ADD2: variants seen among roughly 807,000 people sequenced by gnomAD.
The protein encoded by ADD2 is beta-adducin.
ADD2 carries 23 observed loss-of-function variants against 83.0 expected under a neutral mutation model. The ratio of observed to expected loss-of-function variants is 0.28; its 90% confidence interval spans 0.20 to 0.39. The LOEUF (loss-of-function observed/expected upper bound fraction) is 0.39. Ranked by LOEUF, ADD2 falls within the 10% of genes least tolerant of loss-of-function variation. The pLI, the probability that ADD2 is intolerant of heterozygous loss-of-function variation, is 1.00. For missense variants in ADD2, 758 were observed against 944.9 expected (o/e 0.80, Z 2.59); for synonymous variants, 375 against 375.4 (o/e 1.00, Z 0.01).
intron 1 of ADD2, among the ~76,000 whole-genome samples, chr2:70,745,667 T>C (rs565938703): frequency 6.6e-6 from 1 of 152,192 alleles, no homozygotes; most frequent in Non-Finnish European, 1.5e-5. Flanking sequence ...CTAGGAACAG[T>C]AGATTGCTTG....
chr2:70,706,100 C>T lies in ADD2; in HGVS notation c.183+126G>A, dbSNP rs1671871224. ...CCCAGGTGACCAGATCCGTCTTGCT[C>T]AGTGGGCTTACATTTCTACTGACCC... On this transcript the variant is annotated intron_variant, in intron 3 of 15. Coordinates refer to ENST00000264436, the MANE Select transcript of ADD2 (RefSeq NM_001617.4). This position sits in a 1 kb window ranked among gnomAD's most constrained non-coding sequence, Gnocchi z 5.0. 1.0e-6 allele frequency: 1 copy of T among 996,280 alleles called. No homozygotes were observed. The highest frequency in any genetic ancestry group is 1.5e-6 in the Non-Finnish European group (1 of 681,182). The allele number at this position is 996,280 out of a possible 1,614,324, so 61.7% of individuals were successfully genotyped here.
intron 1 of ADD2, chr2:70,767,534 G>C: frequency 1.4e-6 from 1 of 710,218 alleles, no homozygotes; most frequent in Non-Finnish European, 1.8e-6. Context: ...GGGAGGGGAG[G>C]AGCGGCCCCG....
chr2:70,667,134 T>C (rs1332081943), intron 15 of ADD2, among the ~76,000 whole-genome samples: 4 of 152,126 alleles, frequency 2.6e-5, no homozygotes, highest in Non-Finnish European at 5.9e-5. Flanking sequence ...CCTTCTAGCC[T>C]CTTCTAAGAA....
At position 70,706,167 on chromosome 2, in the gene ADD2, C is replaced by A. The variant is rs1399588925; in HGVS notation, c.183+59G>T. The A allele has an allele frequency of 3.8e-6, 6 of 1,570,262 alleles. No individual in the cohort carries two copies. The South Asian group carries it at 7.0e-5, about 18-fold the overall frequency. ...GAGTTACTCATCTTTCGGGTGGGTA[C>A]ACGTCCTGAAGAGCCAGCGCCCCCT... On this transcript the variant is annotated intron_variant, in intron 3 of 15. Coordinates refer to ENST00000264436, the MANE Select transcript of ADD2 (RefSeq NM_001617.4). The surrounding 1 kb of genome is among the most constrained non-coding windows in gnomAD (Gnocchi z 5.0).
Position 70,768,050 on chromosome 2 carries a change from TC to T in ADD2, c.-319del, listed in dbSNP as rs1336747187. 2 of 1,405,896 alleles carry T rather than the reference TC, an allele frequency of 1.4e-6. No individual in the cohort carries two copies. Among genetic ancestry groups the T allele is most frequent in the Non-Finnish European group, 1.9e-6 (2 of 1,049,862 alleles). 87.1% of individuals were successfully genotyped at this position (1,405,896 alleles called of 1,614,324 possible). On this transcript the variant is annotated 5_prime_UTR_variant, in exon 1 of 16. Transcript: ENST00000264436. ...CGCGCTCGTCAGAGCTGCTGGGAGA[TC>T]CCCCAGCAGTGCAGCGGCTCCGCGG...
At chr2:70,765,507 T>C (rs1464748891) in intron 1 of ADD2, among the ~76,000 whole-genome samples, 3 of 152,276 alleles carry the variant, frequency 2.0e-5, no homozygotes, top group African/African-American at 7.2e-5. Flanking sequence ...TGTCCATTTC[T>C]TGCATTTGTC....
Position 70,713,082 on chromosome 2 carries a change from C to A in ADD2, c.-51G>T. ...CTTACTTACCGGGAGGCTGGCCCAG[C>A]CCTGTCCAAGGCTCCTTCTGTTCAC... is the stretch of plus-strand genomic sequence containing the variant. On this transcript the variant is annotated 5_prime_UTR_variant, in exon 2 of 16. Coordinates refer to ENST00000264436, the MANE Select transcript of ADD2 (RefSeq NM_001617.4). The A allele has an allele frequency of 1.0e-6, 1 of 985,576 alleles. No individual in the cohort carries two copies. The highest frequency in any genetic ancestry group is 1.2e-6 in the Non-Finnish European group (1 of 830,076). The allele number at this position is 985,576 out of a possible 1,614,324, so 61.1% of individuals were successfully genotyped here.
At chr2:70,692,922 A>G (rs1671122780) in intron 6 of ADD2, among the ~76,000 whole-genome samples, 1 of 152,146 alleles carries the variant, frequency 6.6e-6, no homozygotes, top group African/African-American at 2.4e-5. Context: ...GGGGTAGCAA[A>G]GTGCTAGAAA....
chr2:70,729,394 C>T (rs532691525), intron 1 of ADD2, among the ~76,000 whole-genome samples: 3 of 152,244 alleles, frequency 2.0e-5, no homozygotes, highest in South Asian at 2.1e-4. Context: ...TCATTACCTG[C>T]GTAAATTTTC....
intron 1 of ADD2, among the ~76,000 whole-genome samples, chr2:70,751,032 C>T (rs894800809): frequency 7.2e-5 from 11 of 152,178 alleles, no homozygotes; most frequent in South Asian, 2.1e-4. Context: ...AAATGGGAGA[C>T]GCTGACATTT....
At chr2:70,698,477 G>A (rs1671420809) in intron 4 of ADD2, among the ~76,000 whole-genome samples, 1 of 152,214 alleles carries the variant, frequency 6.6e-6, no homozygotes, top group Admixed American at 6.5e-5. Flanking sequence ...AACACAGACA[G>A]ACCGAATAAG....
intron 1 of ADD2, among the ~76,000 whole-genome samples, chr2:70,745,113 C>A (rs1674111968): frequency 6.6e-6 from 1 of 151,800 alleles, no homozygotes; most frequent in Non-Finnish European, 1.5e-5. Context: ...GGTGAAACCC[C>A]GTCTCTACTA....
intron 1 of ADD2, among the ~76,000 whole-genome samples, chr2:70,765,882 G>T (rs1249443581): frequency 1.3e-5 from 2 of 152,012 alleles, no homozygotes; most frequent in African/African-American, 2.4e-5. Context: ...ATGAATCCCT[G>T]TAAACTATCT....
intron 1 of ADD2, among the ~76,000 whole-genome samples, chr2:70,741,823 C>A (rs1337559278): frequency 4.6e-5 from 7 of 152,154 alleles, no homozygotes; most frequent in African/African-American, 1.7e-4. Context: ...CATATGGTGT[C>A]TTGGTACTGC....
At chr2:70,715,490 T>G (rs894322174) in intron 1 of ADD2, among the ~76,000 whole-genome samples, 32 of 152,112 alleles carry the variant, frequency 2.1e-4, no homozygotes, top group African/African-American at 7.7e-4. Context: ...AACAGATGCC[T>G]GACACCCCCT....
chr2:70,730,924 A>G (rs1256318436), intron 1 of ADD2, among the ~76,000 whole-genome samples: 1 of 152,142 alleles, frequency 6.6e-6, no homozygotes, highest in East Asian at 1.9e-4. Flanking sequence ...GTGTAAGTAC[A>G]CTCTCTGATT....
At chr2:70,749,539 T>A (rs1674402687) in intron 1 of ADD2, among the ~76,000 whole-genome samples, 1 of 150,206 alleles carries the variant, frequency 6.7e-6, no homozygotes, top group Admixed American at 6.6e-5. Flanking sequence ...GGGAACAATA[T>A]GGCCAGCTAA....
chr2:70,751,518 T>C (rs1553382936), intron 1 of ADD2, among the ~76,000 whole-genome samples: 1 of 152,206 alleles, frequency 6.6e-6, no homozygotes, highest in Non-Finnish European at 1.5e-5. Flanking sequence ...CAAAAATGAA[T>C]GTATCTCCCT....
intron 7 of ADD2, 95 bp from the exon 8 acceptor site, chr2:70,691,024 G>A: frequency 2.1e-6 from 3 of 1,435,610 alleles, no homozygotes; most frequent in Non-Finnish European, 2.8e-6. Context: ...CCAGTGAGGG[G>A]TGAGGGGTGA....
Sources: gnomAD v4.1 joint callset for allele counts (sites outside exome capture counted in the v4.1 genomes callset) on GRCh38, gnomAD v4.1.1 for gene constraint, Gnocchi (gnomAD v3.1) non-coding constraint, MANE v1.5 for transcripts, NCBI Gene and HGNC (gene_info 2026-07-23, HGNC 2026-07-21) for gene names.